LAMB4: variants seen among roughly 807,000 people sequenced by gnomAD.
LAMB4 encodes laminin subunit beta 4, also known as laminin subunit beta-4.
A neutral mutation model predicts 199.2 loss-of-function variants in LAMB4; 196 were observed. That is an observed-to-expected ratio of 0.98 (90% confidence interval 0.88 to 1.11). The LOEUF (loss-of-function observed/expected upper bound fraction) is 1.11, where lower values mean the gene tolerates loss of function less well. Among genes scored for constraint, LAMB4 ranks in the 50% least tolerant of loss-of-function variants. The pLI, the probability that LAMB4 is intolerant of heterozygous loss-of-function variation, is 0.00. For synonymous variants in LAMB4, 744 were observed against 770.6 expected (o/e 0.97, Z 0.57); for missense variants, 2,080 against 2,171.2 (o/e 0.96, Z 0.83).
intron 14 of LAMB4, among the ~76,000 whole-genome samples, chr7:108,086,811 G>C (rs960118695): frequency 7.9e-5 from 12 of 152,162 alleles, no homozygotes; most frequent in African/African-American, 2.9e-4. Context: ...GGGGCACATG[G>C]CAAACACCCA....
In LAMB4 at chr7:108,024,019, CT is replaced by C. The variant is rs2034749969; in HGVS notation, c.*19del. The C allele has an allele frequency of 6.3e-7, 1 of 1,585,512 alleles. No individual in the cohort carries two copies. Among genetic ancestry groups the C allele is most frequent in the Non-Finnish European group, 8.5e-7 (1 of 1,170,452 alleles). ...CAGAAACCAGAAACAAAGGCACAAGCTTTTGCTCTTTAACTCTGCCTAGCTA... is the reference window on the plus strand; with the variant it reads ...CAGAAACCAGAAACAAAGGCACAAGCTTTGCTCTTTAACTCTGCCTAGCTA... On this transcript the variant is annotated 3_prime_UTR_variant, in exon 34 of 34. Coordinates refer to ENST00000388781, the MANE Select transcript of LAMB4 (RefSeq NM_007356.3).
chr7:108,107,961 G>A (rs1049338575), intron 5 of LAMB4, 142 bp from the exon 6 acceptor site: 7 of 672,518 alleles, frequency 1.0e-5, no homozygotes, highest in African/African-American at 1.8e-5. Context: ...TTGTTTTTGA[G>A]ACAGGATCTC....
intron 14 of LAMB4, among the ~76,000 whole-genome samples, chr7:108,089,116 C>G (rs1255066608): frequency 6.6e-6 from 1 of 152,074 alleles, no homozygotes; most frequent in African/African-American, 2.4e-5. Flanking sequence ...TTTTTTATAG[C>G]AGTACTCCTG....
In LAMB4 at chr7:108,077,038, C is replaced by T. The variant is rs768552138; in HGVS notation, c.2030G>A (p.Cys677Tyr). 1.2e-6 allele frequency: 2 copies of T among 1,613,850 alleles called. No homozygotes were observed. Among genetic ancestry groups the T allele is most frequent in the Non-Finnish European group, 1.7e-6 (2 of 1,179,896 alleles). ...TRIMLLPTPICLEPDVQYSID... is the reference protein window; with the variant it reads ...TRIMLLPTPIYLEPDVQYSID... The stretch of plus-strand genomic sequence containing the variant: ...GGAATATTGTACATCTGGTTCTAAA[C>T]AGATGGGTGTGGGAAGCAGCATGAT... The change falls in exon 17 of 34, where the codon TGT (cysteine) becomes TAT (tyrosine). Residue 677 changes from cysteine (C) to tyrosine (Y), a missense_variant. Coordinates refer to ENST00000388781, the MANE Select transcript of LAMB4 (RefSeq NM_007356.3).
At position 108,095,252 on chromosome 7, in the gene LAMB4, G is replaced by C; in HGVS notation, c.1446C>G (p.Thr482=). 6.2e-7 allele frequency: 1 copy of C among 1,613,590 alleles called. No individual in the cohort carries two copies. The highest frequency in any genetic ancestry group is 8.5e-7 in the Non-Finnish European group (1 of 1,179,634). ...TGQCLCLSYV[T]GAHCEECTVG... is the part of the protein sequence containing the mutation. Reference sequence around the variant, plus strand: ...CAGTGCATTCTTCGCAGTGTGCTCCGGTGACATATGACAGGCACAAGCATT... The same window carrying C: ...CAGTGCATTCTTCGCAGTGTGCTCCCGTGACATATGACAGGCACAAGCATT... Residue 482 remains threonine (T), a synonymous_variant, in exon 12 of 34, where the codon ACC becomes ACG. Transcript: ENST00000388781.
At chr7:108,074,375 A>AT (rs2036627152) in intron 17 of LAMB4, among the ~76,000 whole-genome samples, 2 of 151,994 alleles carry the variant, frequency 1.3e-5, no homozygotes, top group African/African-American at 4.8e-5. Context: ...ATTTTATTTT[A>AT]TTTATTTTTT....
chr7:108,079,803 A>C lies in LAMB4; in HGVS notation c.1702-17T>G. Reference sequence around the variant, plus strand: ...CTCCGAGCCCTAAAATGGGAGAGGAATGTAAATAGCTTTGCCTACAGTCAA... The same window carrying C: ...CTCCGAGCCCTAAAATGGGAGAGGACTGTAAATAGCTTTGCCTACAGTCAA... On this transcript the variant is annotated splice_polypyrimidine_tract_variant and intron_variant, in intron 14 of 33. Coordinates refer to ENST00000388781, the MANE Select transcript of LAMB4 (RefSeq NM_007356.3). 1 of 1,556,370 alleles carries C rather than the reference A, an allele frequency of 6.4e-7. No individual in the cohort carries two copies. The highest frequency in any genetic ancestry group is 8.7e-7 in the Non-Finnish European group (1 of 1,154,386).
Position 108,111,678 on chromosome 7 carries a change from T to G in LAMB4, c.328+133A>C, listed in dbSNP as rs903846849. ...AATAAATTGTATTCTTATATGGGTC[T>G]CTACATTCTTGGAGGATACTGTTCC... is the stretch of plus-strand genomic sequence containing the variant. On this transcript the variant is annotated intron_variant, in intron 4 of 33. Coordinates refer to ENST00000388781, the MANE Select transcript of LAMB4 (RefSeq NM_007356.3). 8.6e-6 allele frequency: 6 copies of G among 698,796 alleles called. No homozygotes were observed. In the African/African-American group the frequency reaches 1.1e-4, roughly 13 times the overall value. 43.3% of individuals were successfully genotyped at this position (698,796 alleles called of 1,614,324 possible). A position where few individuals can be genotyped will look rare whatever the true frequency, so the allele number is the denominator to read the frequency against.
intron 14 of LAMB4, 129 bp from the exon 15 acceptor site, chr7:108,079,915 T>C (rs776549395): frequency 1.2e-4 from 72 of 624,246 alleles, no homozygotes; most frequent in Non-Finnish European, 1.6e-4. Flanking sequence ...GAGTCACAGA[T>C]AAATTATTCT....
chr7:108,026,412 A>G (rs1732160), intron 33 of LAMB4: 30,640 of 153,484 alleles, frequency 0.2, 7,172 homozygotes, highest in African/African-American at 0.58. Context: ...AAAGCAGCCC[A>G]GGGTAACAGA....
At chr7:108,088,315 A>T (rs1383889210) in intron 14 of LAMB4, among the ~76,000 whole-genome samples, 1 of 152,128 alleles carries the variant, frequency 6.6e-6, no homozygotes, top group Non-Finnish European at 1.5e-5. Flanking sequence ...GGCGTGTGCC[A>T]CCACGCCCAG....
At position 108,079,804 on chromosome 7, in the gene LAMB4, T is replaced by C; in HGVS notation, c.1702-18A>G. The stretch of plus-strand genomic sequence containing the variant: ...TCCGAGCCCTAAAATGGGAGAGGAA[T>C]GTAAATAGCTTTGCCTACAGTCAAG... On this transcript the variant is annotated intron_variant, in intron 14 of 33. Transcript: ENST00000388781. 1 of 1,551,412 alleles carries C rather than the reference T, an allele frequency of 6.4e-7. No homozygotes were observed. The highest frequency in any genetic ancestry group is 8.7e-7 in the Non-Finnish European group (1 of 1,151,902).
chr7:108,026,831 G>A, intron 33 of LAMB4: 1 of 509,630 alleles, frequency 2.0e-6, no homozygotes, highest in Admixed American at 2.0e-5. Context: ...CAGCCTTGTG[G>A]TTCCGCCCCT....
Position 108,076,907 on chromosome 7 carries a change from A to G in LAMB4, c.2124+37T>C, listed in dbSNP as rs200855605. 3.0e-4 allele frequency: 480 copies of G among 1,606,868 alleles called. 3 individuals carry two copies. The African/African-American group carries it at 5.9e-3, about 20-fold the overall frequency. On this transcript the variant is annotated intron_variant, in intron 17 of 33. Transcript: ENST00000388781. The stretch of plus-strand genomic sequence containing the variant: ...AAAAGTAGTTATAACGGTGCTTAGT[A>G]GCGAAGAAAGCACCCACAAAACTCT...
At chr7:108,116,529 A>G (rs1467780232) in intron 2 of LAMB4, among the ~76,000 whole-genome samples, 2 of 152,230 alleles carry the variant, frequency 1.3e-5, no homozygotes, top group African/African-American at 4.8e-5. Flanking sequence ...TGCAATGGAC[A>G]CCCGCATATG....
Position 108,055,891 on chromosome 7 carries a change from T to C in LAMB4, c.3496A>G (p.Ser1166Gly). ...TGAAGACAAGTAGGGAATTCCTGGC[T>C]GTGTCCCCGGGCACAGCGATCACAT... ...QRCDRCARGH[S>G]QEFPTCLQCH... Residue 1166 changes from serine to glycine, a missense_variant, in exon 25 of 34, where the codon AGC becomes GGC. By Grantham distance (56) the Ser-to-Gly change is moderately conservative. Coordinates refer to ENST00000388781, the MANE Select transcript of LAMB4 (RefSeq NM_007356.3). 6.2e-7 allele frequency: 1 copy of C among 1,614,216 alleles called. No individual in the cohort carries two copies. The highest frequency in any genetic ancestry group is 8.5e-7 in the Non-Finnish European group (1 of 1,180,040).
chr7:108,070,030 T>C (rs1419942393), intron 17 of LAMB4, 145 bp from the exon 18 acceptor site: 2 of 457,340 alleles, frequency 4.4e-6, no homozygotes, highest in Non-Finnish European at 7.4e-6. Flanking sequence ...CTGAAGACTT[T>C]AAAGATTTTC....
chr7:108,092,618 G>C (rs2037451486), intron 12 of LAMB4, among the ~76,000 whole-genome samples: 1 of 152,128 alleles, frequency 6.6e-6, no homozygotes, highest in African/African-American at 2.4e-5. Flanking sequence ...TGAAGTAAGG[G>C]GACAGGGCTG....
intron 17 of LAMB4, among the ~76,000 whole-genome samples, chr7:108,071,316 T>C (rs2036527219): frequency 6.6e-6 from 1 of 151,966 alleles, no homozygotes; most frequent in Non-Finnish European, 1.5e-5. Context: ...CATCCCTAAA[T>C]GTTAGAGTTC....
Sources: gnomAD v4.1 joint callset for allele counts (sites outside exome capture counted in the v4.1 genomes callset) on GRCh38, gnomAD v4.1.1 for gene constraint, MANE v1.5 for transcripts, NCBI Gene and HGNC (gene_info 2026-07-23, HGNC 2026-07-21) for gene names.